SORCS2: variants seen among roughly 807,000 people sequenced by gnomAD.
The protein encoded by SORCS2 is VPS10 domain-containing receptor SorCS2.
A neutral mutation model predicts 141.6 loss-of-function variants in SORCS2; 100 were observed. The ratio of observed to expected loss-of-function variants is 0.71; its 90% CI spans 0.60 to 0.83. The LOEUF (loss-of-function observed/expected upper bound fraction) is 0.83, where lower values mean the gene tolerates loss of function less well. SORCS2 is among the 40% of genes least tolerant of loss of function. The pLI, the probability that SORCS2 is intolerant of heterozygous loss-of-function variation, is 0.00. For missense variants in SORCS2, 1,646 were observed against 1,560.2 expected, an observed-to-expected ratio of 1.05 and a Z score of -0.93; for synonymous variants, 789 against 676.9, an observed-to-expected ratio of 1.17 and a Z score of -2.57.
rs770400192 is a variant in SORCS2, at chr4:7,638,472, G to T, written c.793G>T (p.Ala265Ser). ...FHPKEEDKVL[A>S]YTKESKLYVS... ...CCCTAAGGAGGAGGACAAGGTCCTC[G>T]CCTACACAAAGGAGAGCAAGGTAAG... The change falls in exon 4 of 27, where the codon GCC (alanine) becomes TCC (serine). Residue 265 changes from alanine to serine, a missense_variant. Transcript: ENST00000507866. 2 of 1,609,180 alleles carry T rather than the reference G, an allele frequency of 1.2e-6. No homozygotes were observed. Among genetic ancestry groups the T allele is most frequent in the Non-Finnish European group, 1.7e-6 (2 of 1,178,068 alleles).
intron 1 of SORCS2, among the ~76,000 whole-genome samples, chr4:7,251,396 T>TGG (rs1273230726): frequency 6.6e-6 from 1 of 152,108 alleles, no homozygotes; most frequent in Non-Finnish European, 1.5e-5. Flanking sequence ...GAGAGAGGGT[T>TGG]GGGGGGACCA....
At chr4:7,371,470 C>T (rs1210571272) in intron 1 of SORCS2, among the ~76,000 whole-genome samples, 14 of 152,216 alleles carry the variant, frequency 9.2e-5, no homozygotes, top group Non-Finnish European at 1.0e-4. Flanking sequence ...CCTTGCTCTG[C>T]TTCCACATTT....
At chr4:7,354,727 A>C (rs1040023121) in intron 1 of SORCS2, among the ~76,000 whole-genome samples, 1 of 152,212 alleles carries the variant, frequency 6.6e-6, no homozygotes, top group African/African-American at 2.4e-5. Flanking sequence ...AGAGGAGGGC[A>C]GCACAGGGAG....
At chr4:7,475,509 G>C (rs570240507) in intron 2 of SORCS2, among the ~76,000 whole-genome samples, 1 of 152,216 alleles carries the variant, frequency 6.6e-6, no homozygotes. Flanking sequence ...AGCAGAGCAA[G>C]CAGGAGGCTG....
At chr4:7,208,617 G>C (rs1235212358) in intron 1 of SORCS2, among the ~76,000 whole-genome samples, 1 of 152,186 alleles carries the variant, frequency 6.6e-6, no homozygotes, top group African/African-American at 2.4e-5. Flanking sequence ...CCCCAGTCCT[G>C]GTCCCAGCGG....
At chr4:7,589,748 C>CAT in intron 3 of SORCS2, among the ~76,000 whole-genome samples, 1 of 152,288 alleles carries the variant, frequency 6.6e-6, no homozygotes, top group South Asian at 2.1e-4. Flanking sequence ...ACCATGAGGA[C>CAT]ATGGATGGTA....
chr4:7,475,227 G>A (rs1296778203), intron 2 of SORCS2, among the ~76,000 whole-genome samples: 5 of 152,130 alleles, frequency 3.3e-5, no homozygotes, highest in South Asian at 4.2e-4. Context: ...CTTGGCAGGT[G>A]GAAAGTCCCA....
At chr4:7,328,656 C>T (rs1560196205) in intron 1 of SORCS2, among the ~76,000 whole-genome samples, 1 of 152,304 alleles carries the variant, frequency 6.6e-6, no homozygotes, top group Admixed American at 6.5e-5. Flanking sequence ...CCACCGACAG[C>T]CCTGCCCTGG....
intron 2 of SORCS2, among the ~76,000 whole-genome samples, chr4:7,527,365 AAT>A (rs1400056325): frequency 6.6e-6 from 1 of 152,234 alleles, no homozygotes; most frequent in Non-Finnish European, 1.5e-5. Context: ...GGGCCTTTGT[AAT>A]CACAAGGAGG....
chr4:7,737,535 C>T (rs987396214), intron 26 of SORCS2, among the ~76,000 whole-genome samples: 6 of 152,184 alleles, frequency 3.9e-5, no homozygotes, highest in African/African-American at 1.4e-4. Flanking sequence ...GCCTTTCCCC[C>T]ACAGCCGCTC....
At chr4:7,550,842 T>C (rs544898849) in intron 3 of SORCS2, among the ~76,000 whole-genome samples, 1 of 152,336 alleles carries the variant, frequency 6.6e-6, no homozygotes, top group Non-Finnish European at 1.5e-5. Flanking sequence ...AAACAAAGTG[T>C]CCAAGTCTCT....
At chr4:7,583,160 A>C (rs1716273169) in intron 3 of SORCS2, among the ~76,000 whole-genome samples, 1 of 152,186 alleles carries the variant, frequency 6.6e-6, no homozygotes, top group Admixed American at 6.5e-5. Context: ...GGTTGCAAAA[A>C]GTTCTAGTAC....
intron 14 of SORCS2, among the ~76,000 whole-genome samples, chr4:7,709,035 CCTT>C (rs1725656753): frequency 6.6e-6 from 1 of 152,170 alleles, no homozygotes; most frequent in Non-Finnish European, 1.5e-5. Flanking sequence ...GATGGTCCTG[CCTT>C]TTCCTGCAGC....
intron 3 of SORCS2, among the ~76,000 whole-genome samples, chr4:7,605,315 T>C (rs1479072394): frequency 6.6e-6 from 1 of 152,182 alleles, no homozygotes; most frequent in African/African-American, 2.4e-5. Context: ...TTTGGTCATA[T>C]TGAGTGTATG....
At chr4:7,215,160 G>C (rs1728255484) in intron 1 of SORCS2, among the ~76,000 whole-genome samples, 1 of 152,184 alleles carries the variant, frequency 6.6e-6, no homozygotes, top group African/African-American at 2.4e-5. Flanking sequence ...GGGGCTGTGT[G>C]CGGCGCTTGC....
intron 1 of SORCS2, among the ~76,000 whole-genome samples, chr4:7,204,950 C>T (rs1003113870): frequency 6.6e-6 from 1 of 152,228 alleles, no homozygotes; most frequent in Non-Finnish European, 1.5e-5. Flanking sequence ...ATTTCTCTTC[C>T]TCCTCTGCTT....
chr4:7,500,909 C>G (rs914003762), intron 2 of SORCS2, among the ~76,000 whole-genome samples: 5 of 152,236 alleles, frequency 3.3e-5, no homozygotes, highest in African/African-American at 1.2e-4. Context: ...GAGCCCCAGG[C>G]TCCACCAGCC....
intron 14 of SORCS2, among the ~76,000 whole-genome samples, chr4:7,705,126 T>C (rs968614989): frequency 6.6e-6 from 1 of 152,126 alleles, no homozygotes; most frequent in Non-Finnish European, 1.5e-5. Context: ...CCTGATCCAA[T>C]GACTGTGTCC....
At chr4:7,327,222 G>C (rs1719322855) in intron 1 of SORCS2, among the ~76,000 whole-genome samples, 1 of 152,210 alleles carries the variant, frequency 6.6e-6, no homozygotes, top group African/African-American at 2.4e-5. Flanking sequence ...CTATAATCAA[G>C]GGAGTTATTG....
Sources: allele counts gnomAD v4.1 joint callset (sites outside exome capture counted in the v4.1 genomes callset), GRCh38; gene constraint gnomAD v4.1.1; transcripts MANE v1.5; gene names NCBI Gene and HGNC (gene_info 2026-07-23, HGNC 2026-07-21).